Variants in FAM13A observed in about 807,000 individuals in gnomAD.
The protein encoded by FAM13A is family with sequence similarity 13 member A, also known as protein FAM13A.
Under a neutral mutation model 129.6 loss-of-function variants are expected in FAM13A, and 76 were observed. The observed-to-expected ratio is 0.59, with a 90% confidence interval of 0.49 to 0.71. FAM13A has a LOEUF of 0.71. FAM13A is among the 30% of genes least tolerant of loss of function. FAM13A has a pLI of 0.00. For missense variants in FAM13A, 1,108 were observed against 1,249.3 expected (o/e 0.89, Z 1.70); for synonymous variants, 443 against 449.9 (o/e 0.98, Z 0.20).
chr4:88,860,150 T>G (rs527335153), intron 6 of FAM13A, among the ~76,000 whole-genome samples: 6 of 152,322 alleles, frequency 3.9e-5, no homozygotes, highest in African/African-American at 1.4e-4. Flanking sequence ...TGCATTGTGT[T>G]TTTCTGAGTA....
At chr4:88,863,925 A>C (rs1307446222) in intron 6 of FAM13A, among the ~76,000 whole-genome samples, 1 of 152,212 alleles carries the variant, frequency 6.6e-6, no homozygotes, top group Non-Finnish European at 1.5e-5. Flanking sequence ...AACAAGTTCA[A>C]ATTCAAACTT....
intron 8 of FAM13A, among the ~76,000 whole-genome samples, chr4:88,794,105 C>A (rs532892881): frequency 1.3e-5 from 2 of 151,816 alleles, no homozygotes; most frequent in African/African-American, 4.8e-5. Flanking sequence ...TTTTTTTCAG[C>A]GTCTTTGACT....
chr4:88,962,188 G>A (rs1311311185), intron 4 of FAM13A, among the ~76,000 whole-genome samples: 1 of 151,686 alleles, frequency 6.6e-6, no homozygotes, highest in Non-Finnish European at 1.5e-5. Context: ...CAGCAAAAAT[G>A]TCACAGAGGA....
At chr4:89,049,354 T>C (rs1771257003) in intron 1 of FAM13A, among the ~76,000 whole-genome samples, 1 of 152,218 alleles carries the variant, frequency 6.6e-6, no homozygotes. Flanking sequence ...AAGACTCACT[T>C]GTTTATATAT....
intron 7 of FAM13A, among the ~76,000 whole-genome samples, chr4:88,820,549 G>T (rs968428033): frequency 1.3e-5 from 2 of 152,146 alleles, no homozygotes; most frequent in Non-Finnish European, 2.9e-5. Context: ...CTCACATAAG[G>T]TCAGATATTA....
At chr4:88,977,316 G>T in intron 4 of FAM13A, among the ~76,000 whole-genome samples, 1 of 152,168 alleles carries the variant, frequency 6.6e-6, no homozygotes, top group East Asian at 1.9e-4. Flanking sequence ...AGCACATACA[G>T]AGTGGATATG....
chr4:88,825,093 C>T (rs1005648367), intron 7 of FAM13A, among the ~76,000 whole-genome samples: 3 of 152,132 alleles, frequency 2.0e-5, no homozygotes, highest in Non-Finnish European at 4.4e-5. Context: ...ATAACCTGTT[C>T]AAATTTACAT....
intron 6 of FAM13A, among the ~76,000 whole-genome samples, chr4:88,885,547 C>T (rs536339876): frequency 6.6e-6 from 1 of 152,086 alleles, no homozygotes; most frequent in Non-Finnish European, 1.5e-5. Flanking sequence ...CCTGAGCCCA[C>T]AAAAATTCTA....
intron 11 of FAM13A, among the ~76,000 whole-genome samples, chr4:88,774,507 TG>T (rs1206776016): frequency 6.6e-6 from 1 of 152,174 alleles, no homozygotes; most frequent in Non-Finnish European, 1.5e-5. Flanking sequence ...CAGAAAATCA[TG>T]GTCATGTGGT....
intron 1 of FAM13A, among the ~76,000 whole-genome samples, chr4:89,054,270 CACAT>C (rs767553387): frequency 7.1e-5 from 10 of 140,166 alleles, no homozygotes; most frequent in Non-Finnish European, 1.2e-4. Flanking sequence ...AGTCCACACA[CACAT>C]ACAGACACAC....
At chr4:88,743,550 C>G (rs1404359512) in intron 19 of FAM13A, among the ~76,000 whole-genome samples, 1 of 152,112 alleles carries the variant, frequency 6.6e-6, no homozygotes, top group Non-Finnish European at 1.5e-5. Flanking sequence ...GTCCAGATCC[C>G]AGGTTTATGA....
At chr4:88,905,135 A>G (rs1747927527) in intron 6 of FAM13A, among the ~76,000 whole-genome samples, 1 of 152,100 alleles carries the variant, frequency 6.6e-6, no homozygotes, top group South Asian at 2.1e-4. Context: ...AAAAAATTAT[A>G]TGTAAGTATG....
chr4:88,745,920 CAGAT>C (rs1741231976), intron 19 of FAM13A, among the ~76,000 whole-genome samples: 1 of 151,210 alleles, frequency 6.6e-6, no homozygotes, highest in South Asian at 2.1e-4. Context: ...AGACATTCTA[CAGAT>C]AGTTATTGGG....
intron 1 of FAM13A, among the ~76,000 whole-genome samples, chr4:89,030,830 A>G (rs1290992077): frequency 2.6e-5 from 4 of 152,170 alleles, no homozygotes; most frequent in Admixed American, 2.6e-4. Context: ...GTGACATAAG[A>G]CAATTACAAG....
chr4:88,740,305 T>G (rs1739959937), intron 19 of FAM13A, among the ~76,000 whole-genome samples: 1 of 152,204 alleles, frequency 6.6e-6, no homozygotes, highest in African/African-American at 2.4e-5. Flanking sequence ...GCTTTTACAC[T>G]TTACTGTAGC....
chr4:88,919,409 T>C (rs140566121), intron 5 of FAM13A, among the ~76,000 whole-genome samples: 3 of 152,366 alleles, frequency 2.0e-5, no homozygotes, highest in Non-Finnish European at 2.9e-5. Context: ...ATAGTTACTA[T>C]GACTTTCTTG....
intron 19 of FAM13A, among the ~76,000 whole-genome samples, chr4:88,746,222 A>T (rs903531065): frequency 1.3e-5 from 2 of 152,196 alleles, no homozygotes; most frequent in Admixed American, 1.3e-4. Context: ...CTCTGACAAC[A>T]TTATGAACAA....
chr4:88,883,949 T>C (rs1744009261), intron 6 of FAM13A, among the ~76,000 whole-genome samples: 1 of 152,028 alleles, frequency 6.6e-6, no homozygotes, highest in African/African-American at 2.4e-5. Flanking sequence ...ACAACCCTCC[T>C]AGATTATACT....
chr4:88,953,387 G>T (rs11931962), intron 4 of FAM13A, among the ~76,000 whole-genome samples: 8 of 151,834 alleles, frequency 5.3e-5, no homozygotes, highest in African/African-American at 1.9e-4. Context: ...CCCAGAAGGC[G>T]GAGGTTGCAG....
Sources: allele counts gnomAD v4.1 joint callset (sites outside exome capture counted in the v4.1 genomes callset), GRCh38; gene constraint gnomAD v4.1.1; transcripts MANE v1.5; gene names NCBI Gene and HGNC (gene_info 2026-07-23, HGNC 2026-07-21).